The following PEX13 variants were observed in gnomAD, a reference collection of about 807,000 sequenced individuals.
PEX13 encodes peroxisome biogenesis factor 13.
Under a neutral mutation model 34.5 loss-of-function variants are expected in PEX13, and 28 were observed. That is an observed-to-expected ratio of 0.81 (90% CI 0.60 to 1.11). PEX13 has a LOEUF of 1.11. PEX13 is among the 50% of genes most tolerant of loss of function. The probability of loss-of-function intolerance (pLI) is 0.00; values close to 1 mark genes in which losing one functional copy is unlikely to be tolerated. For missense variants in PEX13, 550 were observed against 491.0 expected (o/e 1.12, Z -1.13); for synonymous variants, 177 against 175.1 (o/e 1.01, Z -0.09).
chr2:61,029,824 AG>A (rs1036114219), intron 1 of PEX13, among the ~76,000 whole-genome samples: 3 of 151,916 alleles, frequency 2.0e-5, no homozygotes, highest in African/African-American at 7.2e-5. Context: ...AAAAAAAAAA[AG>A]TATTCAGAAA....
Position 61,045,613 on chromosome 2 carries a change from G to C in PEX13, c.788-113G>C, listed in dbSNP as rs575931833. ...AGTATTCATTATAGTTTTTACTTGGGAGGGGAGGACTTTTCTCTTGGCAAA... is the reference window on the plus strand; with the variant it reads ...AGTATTCATTATAGTTTTTACTTGGCAGGGGAGGACTTTTCTCTTGGCAAA... On this transcript the variant is annotated intron_variant, in intron 2 of 3. Transcript: ENST00000295030. The C allele has an allele frequency of 1.6e-5, 13 of 796,428 alleles. No individual in the cohort carries two copies. The East Asian group carries it at 3.4e-4, about 21-fold the overall frequency. 49.3% of individuals were successfully genotyped at this position (796,428 alleles called of 1,614,324 possible).
intron 2 of PEX13, among the ~76,000 whole-genome samples, chr2:61,035,799 C>T (rs1333742981): frequency 6.6e-6 from 1 of 152,044 alleles, no homozygotes; most frequent in African/African-American, 2.4e-5. Flanking sequence ...GCCTGACCAA[C>T]ATGGAGAAAC....
intron 2 of PEX13, among the ~76,000 whole-genome samples, chr2:61,037,837 A>T (rs948008296): frequency 6.6e-6 from 1 of 152,212 alleles, no homozygotes; most frequent in African/African-American, 2.4e-5. Flanking sequence ...GTTTTTTGAA[A>T]AGATCAACAA....
chr2:61,043,266 G>T (rs890030084), intron 2 of PEX13, among the ~76,000 whole-genome samples: 2 of 151,378 alleles, frequency 1.3e-5, no homozygotes, highest in African/African-American at 4.9e-5. Context: ...GTAGGCCGAG[G>T]CGGGCGGATC....
At chr2:61,026,698 TTTTA>T (rs994413086) in intron 1 of PEX13, among the ~76,000 whole-genome samples, 45 of 152,330 alleles carry the variant, frequency 3.0e-4, no homozygotes, top group African/African-American at 1.0e-3. Flanking sequence ...ATTTAAATGT[TTTTA>T]TTTAATTTCA....
At position 61,048,526 on chromosome 2, in the gene PEX13, CA is replaced by C. The variant is rs762677548; in HGVS notation, c.969del (p.Gly324AspfsTer37). 6.2e-7 allele frequency: 1 copy of C among 1,613,994 alleles called. No individual in the cohort carries two copies. Among genetic ancestry groups the C allele is most frequent in the South Asian group, 1.1e-5 (1 of 91,076 alleles). On this transcript the variant is annotated frameshift_variant, in exon 4 of 4. Transcript: ENST00000295030. LOFTEE classifies it high-confidence loss of function. The part of the protein sequence containing the change: ...WLLASLDGQT[T>X]GLIPANYVKI... ...CTGGCTAGCCTTGATGGCCAAACAACAGGACTTATACCTGCGAATTATGTCA... is the reference window on the plus strand; with the variant it reads ...CTGGCTAGCCTTGATGGCCAAACAACGGACTTATACCTGCGAATTATGTCA...
chr2:61,051,840 T>C lies in PEX13; in HGVS notation c.*3070T>C, dbSNP rs1680804371. 1 of 152,372 alleles carries C rather than the reference T, an allele frequency of 6.6e-6. No homozygotes were observed. Among genetic ancestry groups the C allele is most frequent in the African/African-American group, 2.4e-5 (1 of 41,474 alleles). 9.4% of individuals were successfully genotyped at this position (152,372 alleles called of 1,614,324 possible). ...ATGTACGTACTTGATTCTGTCTGTG[T>C]CATAATTACACATTTACTTGAACAC... On this transcript the variant is annotated 3_prime_UTR_variant, in exon 4 of 4. Coordinates refer to ENST00000295030, the MANE Select transcript of PEX13 (RefSeq NM_002618.4).
At chr2:61,033,240 T>TG (rs1680481160) in intron 2 of PEX13, among the ~76,000 whole-genome samples, 1 of 152,160 alleles carries the variant, frequency 6.6e-6, no homozygotes, top group Non-Finnish European at 1.5e-5. Flanking sequence ...TTTATTAATT[T>TG]GGGGGCATCA....
At chr2:61,033,301 T>C (rs1035993179) in intron 2 of PEX13, among the ~76,000 whole-genome samples, 1 of 152,134 alleles carries the variant, frequency 6.6e-6, no homozygotes, top group Non-Finnish European at 1.5e-5. Context: ...AGACCCAAAA[T>C]AGAGTGTGTG....
chr2:61,030,147 A>G (rs548495593), intron 1 of PEX13, among the ~76,000 whole-genome samples: 1 of 152,344 alleles, frequency 6.6e-6, no homozygotes. Flanking sequence ...ATGCTAAGTG[A>G]AAGAAGCCAG....
In PEX13 at chr2:61,041,236, G is replaced by A. The variant is rs1012055288; in HGVS notation, c.788-4490G>A. 2.0e-5 allele frequency among the ~76,000 whole-genome samples: 3 copies of A among 152,270 alleles called. No individual in the cohort carries two copies. In the East Asian group the frequency reaches 5.8e-4, roughly 29 times the overall value. ...CCCAGTTACTTGGGAGGCTGAGATG[G>A]GAGGGTGGTTTGAGCCTTGGAGGTT... On this transcript the variant is annotated intron_variant, in intron 2 of 3. Coordinates refer to ENST00000295030, the MANE Select transcript of PEX13 (RefSeq NM_002618.4).
chr2:61,048,978 G>T lies in PEX13; in HGVS notation c.*208G>T. On this transcript the variant is annotated 3_prime_UTR_variant, in exon 4 of 4. Coordinates refer to ENST00000295030, the MANE Select transcript of PEX13 (RefSeq NM_002618.4). ...ATTATACACATTATTGGACCATAAGGACATTTGTTTCACCTAGATTTTAAG... is the reference window on the plus strand; with the variant it reads ...ATTATACACATTATTGGACCATAAGTACATTTGTTTCACCTAGATTTTAAG... The T allele has an allele frequency of 1.8e-6, 1 of 562,896 alleles. No individual in the cohort carries two copies. The allele number at this position is 562,896 out of a possible 1,614,324, so 34.9% of individuals were successfully genotyped here.
chr2:61,021,726 C>T (rs1029017084), intron 1 of PEX13, among the ~76,000 whole-genome samples: 2 of 152,180 alleles, frequency 1.3e-5, no homozygotes, highest in African/African-American at 4.8e-5. Flanking sequence ...TCAAGTGGGT[C>T]CCTGACCCCC....
chr2:61,023,736 T>C (rs1296742594), intron 1 of PEX13, among the ~76,000 whole-genome samples: 2 of 151,472 alleles, frequency 1.3e-5, no homozygotes, highest in Non-Finnish European at 2.9e-5. Context: ...TGACTTCTTT[T>C]TTTTTTTTTT....
At chr2:61,028,782 G>A (rs1680401852) in intron 1 of PEX13, among the ~76,000 whole-genome samples, 1 of 152,068 alleles carries the variant, frequency 6.6e-6, no homozygotes, top group Admixed American at 6.6e-5. Context: ...GAAAAGAAAG[G>A]AAACAAACCA....
chr2:61,026,746 C>G (rs1174330089), intron 1 of PEX13, among the ~76,000 whole-genome samples: 2 of 152,096 alleles, frequency 1.3e-5, no homozygotes, highest in Admixed American at 1.3e-4. Flanking sequence ...TCATTTCTCT[C>G]TCTGATAATT....
intron 2 of PEX13, among the ~76,000 whole-genome samples, chr2:61,033,962 C>T (rs763624708): frequency 7.0e-6 from 1 of 142,420 alleles, no homozygotes; most frequent in Non-Finnish European, 1.5e-5. Flanking sequence ...GTAATATGAC[C>T]TGACTTAGGT....
intron 1 of PEX13, among the ~76,000 whole-genome samples, chr2:61,023,038 T>G (rs1477366006): frequency 1.3e-5 from 2 of 151,750 alleles, no homozygotes; most frequent in Non-Finnish European, 2.9e-5. Flanking sequence ...AGTGTCTCAC[T>G]CTGCCACCCG....
At chr2:61,029,898 A>G (rs747911311) in intron 1 of PEX13, among the ~76,000 whole-genome samples, 27 of 152,234 alleles carry the variant, frequency 1.8e-4, no homozygotes, top group Non-Finnish European at 3.8e-4. Context: ...TTTCCTAAAC[A>G]CTACAGTATA....
Sources: allele counts gnomAD v4.1 joint callset (sites outside exome capture counted in the v4.1 genomes callset), GRCh38; gene constraint gnomAD v4.1.1; transcripts MANE v1.5; gene names NCBI Gene and HGNC (gene_info 2026-07-23, HGNC 2026-07-21).